BANK1: variants seen among roughly 807,000 people sequenced by gnomAD.
The protein encoded by BANK1 is B-cell scaffold protein with ankyrin repeats.
Under a neutral mutation model 94.5 loss-of-function variants are expected in BANK1, and 95 were observed. The ratio of observed to expected loss-of-function variants is 1.00; its 90% CI spans 0.85 to 1.19. The LOEUF (loss-of-function observed/expected upper bound fraction) is 1.19. Ranked by LOEUF, BANK1 falls within the 50% of genes most tolerant of loss-of-function variation. The pLI is 0.00. For missense variants in BANK1, 987 were observed against 932.2 expected (o/e 1.06, Z -0.77); for synonymous variants, 334 against 308.4 (o/e 1.08, Z -0.87).
intron 3 of BANK1, among the ~76,000 whole-genome samples, chr4:101,856,362 A>G (rs1267870574): frequency 6.9e-6 from 1 of 145,580 alleles, no homozygotes; most frequent in Non-Finnish European, 1.5e-5. Context: ...TCAGGCAAAG[A>G]AAAATTACAA....
At chr4:101,799,233 T>G (rs1203865385) in intron 1 of BANK1, among the ~76,000 whole-genome samples, 1 of 152,170 alleles carries the variant, frequency 6.6e-6, no homozygotes, top group Non-Finnish European at 1.5e-5. Context: ...TTTCCCCATT[T>G]CTTGTTTTTG....
At chr4:101,991,997 G>C (rs1725726163) in intron 7 of BANK1, among the ~76,000 whole-genome samples, 1 of 152,140 alleles carries the variant, frequency 6.6e-6, no homozygotes. Flanking sequence ...TGGTTCATGT[G>C]GGTATGTAGG....
intron 7 of BANK1, among the ~76,000 whole-genome samples, chr4:101,944,871 T>C (rs1030019723): frequency 6.6e-6 from 1 of 151,886 alleles, no homozygotes; most frequent in African/African-American, 2.4e-5. Context: ...GTGGAGTGAG[T>C]GTTTGCATTC....
At chr4:101,880,150 T>A (rs2148885114) in intron 5 of BANK1, among the ~76,000 whole-genome samples, 1 of 152,204 alleles carries the variant, frequency 6.6e-6, no homozygotes, top group African/African-American at 2.4e-5. Context: ...AGTCAAATTA[T>A]CCTTGTTTGC....
intron 11 of BANK1, among the ~76,000 whole-genome samples, chr4:102,046,912 T>A (rs772631073): frequency 9.9e-5 from 15 of 152,150 alleles, no homozygotes; most frequent in Non-Finnish European, 2.1e-4. Flanking sequence ...CTGCCCATGA[T>A]AATGAATGTG....
chr4:101,826,725 G>A (rs13127559), intron 1 of BANK1, among the ~76,000 whole-genome samples: 11,771 of 151,854 alleles, frequency 0.078, 658 homozygotes, highest in Admixed American at 0.19. Flanking sequence ...TACAACTTAC[G>A]TGTGATTCCC....
intron 7 of BANK1, among the ~76,000 whole-genome samples, chr4:101,920,110 C>CT (rs1722951722): frequency 7.9e-5 from 12 of 151,902 alleles, no homozygotes. Context: ...GCTCAGCAAA[C>CT]TATCGCAAGG....
chr4:101,868,935 T>C (rs546981888), intron 4 of BANK1, among the ~76,000 whole-genome samples: 8 of 152,022 alleles, frequency 5.3e-5, no homozygotes, highest in African/African-American at 1.7e-4. Context: ...AAAAGGCATC[T>C]CATTGGAGGA....
At chr4:102,001,611 G>C (rs1726077616) in intron 7 of BANK1, among the ~76,000 whole-genome samples, 1 of 152,088 alleles carries the variant, frequency 6.6e-6, no homozygotes, top group Non-Finnish European at 1.5e-5. Flanking sequence ...AACAGAACAG[G>C]TTTCAAGAAA....
At chr4:101,995,754 T>C (rs565823636) in intron 7 of BANK1, among the ~76,000 whole-genome samples, 2 of 152,172 alleles carry the variant, frequency 1.3e-5, no homozygotes, top group South Asian at 4.1e-4. Flanking sequence ...CTTTGTGAAG[T>C]GTCTGTTCAT....
intron 1 of BANK1, among the ~76,000 whole-genome samples, chr4:101,825,248 A>G (rs1726318757): frequency 6.6e-6 from 1 of 152,140 alleles, no homozygotes. Flanking sequence ...GTTTCATTGC[A>G]AAGCCTATAA....
At chr4:101,910,136 G>A (rs28687005) in intron 6 of BANK1, among the ~76,000 whole-genome samples, 1,610 of 152,174 alleles carry the variant, frequency 0.011, 27 homozygotes, top group African/African-American at 0.036. Context: ...TCACTTGAAG[G>A]ATATGTTAAA....
chr4:101,871,220 A>G (rs909259431), intron 5 of BANK1, among the ~76,000 whole-genome samples: 12 of 152,234 alleles, frequency 7.9e-5, no homozygotes, highest in South Asian at 6.2e-4. Flanking sequence ...TATTCCATCA[A>G]ATTTTCAGAG....
At chr4:101,988,570 A>G (rs1725592280) in intron 7 of BANK1, among the ~76,000 whole-genome samples, 1 of 152,182 alleles carries the variant, frequency 6.6e-6, no homozygotes, top group Admixed American at 6.5e-5. Context: ...TTCAACTACA[A>G]CATTTCCTTC....
chr4:102,009,434 A>ACCCC (rs1726410882), intron 7 of BANK1, among the ~76,000 whole-genome samples: 1 of 152,108 alleles, frequency 6.6e-6, no homozygotes, highest in Non-Finnish European at 1.5e-5. Flanking sequence ...CCTGCTTTTG[A>ACCCC]ATATTTTATT....
At chr4:102,060,078 G>A in intron 11 of BANK1, 133 bp from the exon 12 acceptor site, 1 of 765,390 alleles carries the variant, frequency 1.3e-6, no homozygotes, top group Non-Finnish European at 2.0e-6. Flanking sequence ...CATTAAAAGT[G>A]TGCTGGTTTA....
chr4:102,058,902 C>T (rs528128117), intron 11 of BANK1, among the ~76,000 whole-genome samples: 29 of 152,190 alleles, frequency 1.9e-4, no homozygotes, highest in African/African-American at 6.0e-4. Flanking sequence ...TTTCTGTGCA[C>T]GTGAATCTTT....
At position 102,030,052 on chromosome 4, in the gene BANK1, G is replaced by T. The variant is rs746560389; in HGVS notation, c.1687G>T (p.Glu563Ter). The T allele has an allele frequency of 2.5e-6, 4 of 1,613,818 alleles. No homozygotes were observed. Among genetic ancestry groups the T allele is most frequent in the East Asian group, 2.2e-5 (1 of 44,856 alleles). Residue 563 changes from glutamate to a stop codon, truncating the protein, a stop_gained, in exon 10 of 17, where the codon GAG becomes TAG. Transcript: ENST00000322953. LOFTEE classifies it high-confidence loss of function. The stretch of plus-strand genomic sequence containing the variant: ...AGGAGATGAACCCAAAGGAGAAAAA[G>T]AGAAGAAAGAAGAGGAAAAAGAGCA... ...ETGDEPKGEK[E>*]KKEEEKEQEE...
intron 6 of BANK1, among the ~76,000 whole-genome samples, chr4:101,899,438 T>C (rs1263285796): frequency 6.6e-6 from 1 of 152,196 alleles, no homozygotes; most frequent in African/African-American, 2.4e-5. Flanking sequence ...TTGCCAATAA[T>C]AATTTTAGCA....
Sources: gnomAD v4.1 joint callset for allele counts (sites outside exome capture counted in the v4.1 genomes callset) on GRCh38, gnomAD v4.1.1 for gene constraint, MANE v1.5 for transcripts, NCBI Gene and HGNC (gene_info 2026-07-23, HGNC 2026-07-21) for gene names.